Variants in CSMD3 observed in about 807,000 individuals in gnomAD.
CSMD3 encodes the protein CUB and Sushi multiple domains 3, also known as CUB and sushi domain-containing protein 3.
A neutral mutation model predicts 435.2 loss-of-function variants in CSMD3; 177 were observed. The observed-to-expected ratio is 0.41, with a 90% CI of 0.36 to 0.46. The LOEUF (loss-of-function observed/expected upper bound fraction) is 0.46, where lower values mean the gene tolerates loss of function less well. Among genes scored for constraint, CSMD3 ranks in the 20% least tolerant of loss-of-function variants. The pLI, the probability that CSMD3 is intolerant of heterozygous loss-of-function variation, is 0.34. For missense variants in CSMD3, 4,265 were observed against 4,504.6 expected (o/e 0.95, Z 1.52); for synonymous variants, 1,656 against 1,520.5 (o/e 1.09, Z -2.07).
chr8:112,773,747 C>A (rs977774682), intron 13 of CSMD3, among the ~76,000 whole-genome samples: 2 of 151,504 alleles, frequency 1.3e-5, no homozygotes, highest in South Asian at 2.1e-4. Flanking sequence ...GCAAATTAAC[C>A]GATAGTGAGA....
chr8:113,222,528 G>C (rs553446422), intron 3 of CSMD3, among the ~76,000 whole-genome samples: 1 of 150,942 alleles, frequency 6.6e-6, no homozygotes. Context: ...TCAAAGTACT[G>C]TATGAGTCCA....
chr8:113,376,851 GC>G, intron 1 of CSMD3: 1 of 1,612,502 alleles, frequency 6.2e-7, no homozygotes, highest in Non-Finnish European at 8.5e-7. Flanking sequence ...GGCCACCTCT[GC>G]CCCTTTCCCG....
chr8:112,448,499 A>C (rs1815882446), intron 32 of CSMD3, among the ~76,000 whole-genome samples: 1 of 152,166 alleles, frequency 6.6e-6, no homozygotes, highest in South Asian at 2.1e-4. Context: ...GCAGTAATTA[A>C]AGTGATACAG....
At chr8:113,382,438 A>G (rs933280824) in intron 1 of CSMD3, among the ~76,000 whole-genome samples, 1 of 152,004 alleles carries the variant, frequency 6.6e-6, no homozygotes, top group East Asian at 1.9e-4. Context: ...TTAGTCCTTT[A>G]TCATTTTGGT....
At chr8:112,857,983 A>C (rs961785858) in intron 11 of CSMD3, among the ~76,000 whole-genome samples, 1 of 151,722 alleles carries the variant, frequency 6.6e-6, no homozygotes, top group Non-Finnish European at 1.5e-5. Context: ...AATTTACCCA[A>C]GTTTATAGAG....
At chr8:113,379,723 G>A (rs1162271832) in intron 1 of CSMD3, among the ~76,000 whole-genome samples, 1 of 152,172 alleles carries the variant, frequency 6.6e-6, no homozygotes, top group Non-Finnish European at 1.5e-5. Flanking sequence ...TATAATATCT[G>A]TGTACTTTTT....
At chr8:112,422,685 T>C (rs1321840797) in intron 32 of CSMD3, among the ~76,000 whole-genome samples, 2 of 152,144 alleles carry the variant, frequency 1.3e-5, no homozygotes, top group Non-Finnish European at 2.9e-5. Flanking sequence ...AAACAGAAAA[T>C]GTCACTCACA....
intron 54 of CSMD3, among the ~76,000 whole-genome samples, chr8:112,294,786 G>A (rs1820104879): frequency 6.6e-6 from 1 of 152,108 alleles, no homozygotes; most frequent in Admixed American, 6.6e-5. Flanking sequence ...TCGAACTGGT[G>A]AGATCTTTTT....
At chr8:113,203,101 G>A (rs1385665340) in intron 3 of CSMD3, among the ~76,000 whole-genome samples, 3 of 151,990 alleles carry the variant, frequency 2.0e-5, no homozygotes, top group Admixed American at 6.6e-5. Context: ...ATAGTTTCTA[G>A]TAAATAGCCA....
In CSMD3 at chr8:113,057,259, G is replaced by T. The variant is rs115519682; in HGVS notation, c.918-38080C>A. ...ATTTTTCAATAATTTCAGAAGCCCT[G>T]GCCTTAGAATGTAAGAGTCATGCAA... is the stretch of plus-strand genomic sequence containing the variant. On this transcript the variant is annotated intron_variant, in intron 5 of 70. Coordinates refer to ENST00000297405, the MANE Select transcript of CSMD3 (RefSeq NM_198123.2). Among the ~76,000 whole-genome samples, 695 of 152,070 alleles carry T rather than the reference G, an allele frequency of 4.6e-3. 5 individuals carry two copies. The highest frequency in any genetic ancestry group is 0.015 in the African/African-American group (610 of 41,476).
intron 2 of CSMD3, among the ~76,000 whole-genome samples, chr8:113,292,207 C>T (rs1436283327): frequency 2.6e-5 from 4 of 151,582 alleles, no homozygotes; most frequent in East Asian, 3.9e-4. Flanking sequence ...TTTATTCTTA[C>T]ATGGTGTGTA....
intron 1 of CSMD3, among the ~76,000 whole-genome samples, chr8:113,392,242 T>C (rs996716193): frequency 6.6e-6 from 1 of 152,096 alleles, no homozygotes; most frequent in African/African-American, 2.4e-5. Flanking sequence ...AATTATTAAA[T>C]AGGTAAATGT....
At chr8:112,762,051 G>T (rs141432377) in intron 13 of CSMD3, among the ~76,000 whole-genome samples, 21 of 152,078 alleles carry the variant, frequency 1.4e-4, no homozygotes, top group Non-Finnish European at 2.7e-4. Flanking sequence ...CCTTCTGCCA[G>T]CAGTAGAGGT....
At chr8:112,695,589 A>G (rs1047901382) in intron 13 of CSMD3, among the ~76,000 whole-genome samples, 6 of 152,238 alleles carry the variant, frequency 3.9e-5, no homozygotes, top group African/African-American at 1.4e-4. Flanking sequence ...TCTAAAAATA[A>G]TAAGAGCTAT....
intron 1 of CSMD3, among the ~76,000 whole-genome samples, chr8:113,411,946 G>A (rs995708645): frequency 2.6e-5 from 4 of 152,094 alleles, no homozygotes; most frequent in Non-Finnish European, 5.9e-5. Flanking sequence ...AAATACGTGA[G>A]TTGAAATCTT....
chr8:112,753,416 A>G (rs992300769), intron 13 of CSMD3, among the ~76,000 whole-genome samples: 7 of 152,192 alleles, frequency 4.6e-5, no homozygotes, highest in African/African-American at 1.4e-4. Context: ...TAGGAGGAAT[A>G]TATTTCCCTT....
chr8:112,543,729 T>C (rs913964585), intron 27 of CSMD3, among the ~76,000 whole-genome samples: 1 of 152,204 alleles, frequency 6.6e-6, no homozygotes, highest in Non-Finnish European at 1.5e-5. Flanking sequence ...CATTTCTAGA[T>C]ATTTATCCTA....
At chr8:112,773,904 G>A (rs1458879412) in intron 13 of CSMD3, among the ~76,000 whole-genome samples, 2 of 152,010 alleles carry the variant, frequency 1.3e-5, no homozygotes. Context: ...TGAGCTTTTA[G>A]GAAAGCAAGA....
At chr8:112,260,978 T>C (rs750399751) in intron 61 of CSMD3, among the ~76,000 whole-genome samples, 1 of 152,180 alleles carries the variant, frequency 6.6e-6, no homozygotes, top group Non-Finnish European at 1.5e-5. Context: ...AAAATCATAT[T>C]ACAGTACCTA....
Sources: allele counts gnomAD v4.1 joint callset (sites outside exome capture counted in the v4.1 genomes callset), GRCh38; gene constraint gnomAD v4.1.1; transcripts MANE v1.5; gene names NCBI Gene and HGNC (gene_info 2026-07-23, HGNC 2026-07-21).